Variants in WDR59 observed in about 807,000 individuals in gnomAD.
The protein encoded by WDR59 is GATOR2 complex protein WDR59.
Under a neutral mutation model 131.2 loss-of-function variants are expected in WDR59, and 100 were observed. The ratio of observed to expected loss-of-function variants is 0.76; its 90% CI spans 0.65 to 0.90. WDR59 has a LOEUF of 0.90. WDR59 is among the 40% of genes least tolerant of loss of function. WDR59 has a pLI of 0.00. For synonymous variants in WDR59, 601 were observed against 466.2 expected (o/e 1.29, Z -3.72); for missense variants, 1,203 against 1,262.2 (o/e 0.95, Z 0.71).
chr16:74,921,886 G>A, intron 10 of WDR59, 61 bp downstream of exon 10: 4 of 1,562,734 alleles, frequency 2.6e-6, no homozygotes, highest in Non-Finnish European at 3.5e-6. Flanking sequence ...TGGCAACACT[G>A]ACTGGCACCG....
At position 74,957,081 on chromosome 16, in the gene WDR59, C is replaced by CT. The variant is rs34834142; in HGVS notation, c.105-472dup. Among the ~76,000 whole-genome samples, 1,163 of 123,938 alleles carry CT rather than the reference C, an allele frequency of 9.4e-3. 8 individuals are homozygous for CT. The highest frequency in any genetic ancestry group is 0.017 in the African/African-American group (546 of 32,864). 81.3% of individuals were successfully genotyped at this position (123,938 alleles called of 152,430 possible). A position where few individuals can be genotyped will look rare whatever the true frequency, so the allele number is the denominator to read the frequency against. On this transcript the variant is annotated intron_variant, in intron 2 of 25. Transcript: ENST00000262144. ...CTATGTCTTGAATATCTTTTTTTTT[C>CT]TTTTTTTTTTTTTTTTTGAGACAGA... is the stretch of plus-strand genomic sequence containing the variant.
intron 1 of WDR59, among the ~76,000 whole-genome samples, chr16:74,971,134 G>A (rs578066105): frequency 2.8e-4 from 43 of 152,034 alleles, no homozygotes; most frequent in African/African-American, 9.2e-4. Context: ...GGTGTTCCTC[G>A]ACATCTCTGA....
intron 3 of WDR59, 146 bp from the exon 4 acceptor site, chr16:74,951,689 G>C: frequency 1.4e-6 from 1 of 693,256 alleles, no homozygotes; most frequent in Admixed American, 2.2e-5. Flanking sequence ...AAAGCCATCA[G>C]GAATAAGTAC....
intron 5 of WDR59, among the ~76,000 whole-genome samples, chr16:74,949,260 G>T (rs2032838559): frequency 6.7e-6 from 1 of 149,124 alleles, no homozygotes; most frequent in Non-Finnish European, 1.5e-5. Context: ...GAGCCCAGGG[G>T]TTCAAGGCTG....
intron 17 of WDR59, among the ~76,000 whole-genome samples, chr16:74,905,589 G>T (rs1022667120): frequency 3.3e-5 from 5 of 151,702 alleles, no homozygotes. Context: ...GGCTGAGGCA[G>T]AAGAATGGCA....
intron 1 of WDR59, among the ~76,000 whole-genome samples, chr16:74,980,352 A>G (rs1405362595): frequency 6.6e-6 from 1 of 151,020 alleles, no homozygotes; most frequent in Non-Finnish European, 1.5e-5. Context: ...TGAAAAATCT[A>G]AGTCTTTTTT....
At chr16:74,930,389 C>CA (rs561711621) in intron 8 of WDR59, among the ~76,000 whole-genome samples, 1 of 151,888 alleles carries the variant, frequency 6.6e-6, no homozygotes, top group Non-Finnish European at 1.5e-5. Context: ...CAGAACAAAA[C>CA]AAAAAACTCT....
chr16:74,981,156 G>C (rs1303286066), intron 1 of WDR59, among the ~76,000 whole-genome samples: 2 of 151,722 alleles, frequency 1.3e-5, no homozygotes, highest in South Asian at 2.1e-4. Flanking sequence ...ACAAGGTCAG[G>C]AGATCGAGAC....
At chr16:74,924,710 G>A (rs561918497) in intron 8 of WDR59, among the ~76,000 whole-genome samples, 33 of 152,322 alleles carry the variant, frequency 2.2e-4, no homozygotes, top group African/African-American at 7.9e-4. Context: ...AAAGCCAAGA[G>A]TGAAACTCGG....
At chr16:74,911,401 G>C (rs774415156) in intron 14 of WDR59, among the ~76,000 whole-genome samples, 51 of 152,198 alleles carry the variant, frequency 3.4e-4, no homozygotes, top group Non-Finnish European at 6.3e-4. Context: ...AAGTGTCCAC[G>C]ACCCAAACTG....
chr16:74,932,784 C>CGGCCAACTTCTTTCCCTTTCTA (rs2031502363), intron 8 of WDR59, among the ~76,000 whole-genome samples: 1 of 152,134 alleles, frequency 6.6e-6, no homozygotes, highest in Non-Finnish European at 1.5e-5. Context: ...CCACCATGCC[C>CGGCCAACTTCTTTCCCTTTCTA]AGTCTTGATT....
intron 13 of WDR59, among the ~76,000 whole-genome samples, chr16:74,914,438 T>C (rs1029951031): frequency 1.3e-5 from 2 of 152,156 alleles, no homozygotes; most frequent in Non-Finnish European, 2.9e-5. Context: ...AGACAGCAGC[T>C]GGAGTAAAGA....
At chr16:74,909,402 A>T (rs1008290468) in intron 16 of WDR59, 99 bp downstream of exon 16, 1 of 1,405,276 alleles carries the variant, frequency 7.1e-7, no homozygotes, top group African/African-American at 1.5e-5. Context: ...TCTCGGGAGT[A>T]AAAGCAAACA....
chr16:74,954,615 T>G (rs1231424394), intron 3 of WDR59, among the ~76,000 whole-genome samples: 2 of 152,148 alleles, frequency 1.3e-5, no homozygotes, highest in East Asian at 3.8e-4. Flanking sequence ...AAACACAGAA[T>G]TACCATATGA....
At chr16:74,895,328 T>G (rs969995154) in intron 18 of WDR59, among the ~76,000 whole-genome samples, 1 of 152,184 alleles carries the variant, frequency 6.6e-6, no homozygotes, top group African/African-American at 2.4e-5. Context: ...AGTGGTGTGA[T>G]CTTGGCTCAC....
chr16:74,895,220 G>T (rs764206759), intron 18 of WDR59, among the ~76,000 whole-genome samples: 1 of 152,156 alleles, frequency 6.6e-6, no homozygotes, highest in Non-Finnish European at 1.5e-5. Context: ...ATTTGTAAAT[G>T]CATGTTACAC....
Position 74,962,477 on chromosome 16 carries a change from G to A in WDR59, c.104+3296C>T, listed in dbSNP as rs2033604739. On this transcript the variant is annotated intron_variant, in intron 2 of 25. Coordinates refer to ENST00000262144, the MANE Select transcript of WDR59 (RefSeq NM_030581.4). ...TGATTTCCTTGTACAGTGGTTTGTA[G>A]TTCTCCTTGAAGAGGTCCTTCACTT... Among the ~76,000 whole-genome samples, 3 of 152,102 alleles carry A rather than the reference G, an allele frequency of 2.0e-5. No homozygotes were observed. In the South Asian group the frequency reaches 6.2e-4, roughly 32 times the overall value.
chr16:74,918,676 G>A (rs1966507394), intron 10 of WDR59, among the ~76,000 whole-genome samples: 1 of 152,158 alleles, frequency 6.6e-6, no homozygotes, highest in South Asian at 2.1e-4. Context: ...GAAAGATCAG[G>A]ACATTTGCGG....
At chr16:74,879,247 A>C (rs1165072185) in intron 25 of WDR59, among the ~76,000 whole-genome samples, 1 of 152,182 alleles carries the variant, frequency 6.6e-6, no homozygotes, top group Admixed American at 6.5e-5. Flanking sequence ...GGTCCCAGCT[A>C]CTTAGGAGAC....
Sources: allele counts gnomAD v4.1 joint callset (sites outside exome capture counted in the v4.1 genomes callset), GRCh38; gene constraint gnomAD v4.1.1; transcripts MANE v1.5; gene names NCBI Gene and HGNC (gene_info 2026-07-23, HGNC 2026-07-21).